Variants in ADARB2 observed in about 807,000 individuals in gnomAD.
The protein encoded by ADARB2 is inactive double-stranded RNA-specific editase B2.
A neutral mutation model predicts 62.2 loss-of-function variants in ADARB2; 25 were observed. The ratio of observed to expected loss-of-function variants is 0.40; its 90% CI spans 0.29 to 0.56. The LOEUF (loss-of-function observed/expected upper bound fraction) is 0.56, where lower values mean the gene tolerates loss of function less well. ADARB2 is among the 20% of genes least tolerant of loss of function. ADARB2 has a pLI of 0.43. For missense variants in ADARB2, 1,071 were observed against 1,077.4 expected, an observed-to-expected ratio of 0.99 and a Z score of 0.08; for synonymous variants, 572 against 500.8, an observed-to-expected ratio of 1.14 and a Z score of -1.90.
At chr10:1,600,263 A>T (rs950345035) in intron 1 of ADARB2, among the ~76,000 whole-genome samples, 5 of 152,150 alleles carry the variant, frequency 3.3e-5, no homozygotes, top group African/African-American at 1.2e-4. Flanking sequence ...GCCTGGCTAC[A>T]CTTAGGGAAA....
intron 1 of ADARB2, among the ~76,000 whole-genome samples, chr10:1,666,459 TGTGTTCCCCCAATC>T (rs1296694261): frequency 1.3e-5 from 2 of 152,234 alleles, no homozygotes; most frequent in Non-Finnish European, 2.9e-5. Context: ...CAGCTCAGAC[TGTGTTCCCCCAATC>T]GTGTTCCCGC....
chr10:1,207,488 C>T (rs1203358966), intron 7 of ADARB2, among the ~76,000 whole-genome samples: 1 of 152,194 alleles, frequency 6.6e-6, no homozygotes, highest in African/African-American at 2.4e-5. Context: ...ACTCATTTGA[C>T]CTCAGTGGAG....
At chr10:1,290,869 T>G (rs1831459859) in intron 3 of ADARB2, 1 of 152,208 alleles carries the variant, frequency 6.6e-6, no homozygotes, top group African/African-American at 2.4e-5. Flanking sequence ...GATGCATATT[T>G]CTGTTTTTTT....
chr10:1,533,584 TC>T (rs1832277849), intron 1 of ADARB2, among the ~76,000 whole-genome samples: 1 of 152,178 alleles, frequency 6.6e-6, no homozygotes, highest in Non-Finnish European at 1.5e-5. Flanking sequence ...CTGCGATGCC[TC>T]CCAAGGGTGA....
At chr10:1,197,370 A>G (rs1422512124) in intron 8 of ADARB2, among the ~76,000 whole-genome samples, 2 of 152,246 alleles carry the variant, frequency 1.3e-5, no homozygotes, top group Non-Finnish European at 2.9e-5. Context: ...AGAAGCTATT[A>G]GTATTGGTAC....
intron 1 of ADARB2, among the ~76,000 whole-genome samples, chr10:1,567,544 A>G (rs1293079947): frequency 1.3e-5 from 2 of 152,150 alleles, no homozygotes; most frequent in Non-Finnish European, 2.9e-5. Context: ...CACTCTGAAG[A>G]GAAAATGAAA....
chr10:1,598,772 A>G (rs907922707), intron 1 of ADARB2, among the ~76,000 whole-genome samples: 3 of 152,234 alleles, frequency 2.0e-5, no homozygotes, highest in Non-Finnish European at 4.4e-5. Context: ...CAAGCCAGGG[A>G]GAGCCCTGGC....
At chr10:1,620,672 T>C (rs1326933940) in intron 1 of ADARB2, among the ~76,000 whole-genome samples, 1 of 152,204 alleles carries the variant, frequency 6.6e-6, no homozygotes, top group Non-Finnish European at 1.5e-5. Context: ...TCACAAAAAG[T>C]ATAGCCCAAG....
At chr10:1,295,209 T>C (rs530188778) in intron 3 of ADARB2, among the ~76,000 whole-genome samples, 1 of 152,196 alleles carries the variant, frequency 6.6e-6, no homozygotes, top group African/African-American at 2.4e-5. Flanking sequence ...GGTTGGCTGA[T>C]TGATGGGGCC....
At chr10:1,538,932 T>C (rs1331130691) in intron 1 of ADARB2, among the ~76,000 whole-genome samples, 1 of 152,190 alleles carries the variant, frequency 6.6e-6, no homozygotes, top group Non-Finnish European at 1.5e-5. Context: ...CACCGAGGCC[T>C]CTCTGCAGTC....
At position 1,635,580 on chromosome 10, in the gene ADARB2, C is replaced by T. The variant is rs1459086494; in HGVS notation, c.100+101471G>A. Among the ~76,000 whole-genome samples the T allele has an allele frequency of 2.0e-5, 3 of 152,172 alleles. 1 individual carries two copies. Among genetic ancestry groups the T allele is most frequent in the Admixed American group, 1.3e-4 (2 of 15,278 alleles). On this transcript the variant is annotated intron_variant, in intron 1 of 9. Coordinates refer to ENST00000381312, the MANE Select transcript of ADARB2 (RefSeq NM_018702.4). ...CTGCTTTGTGGGTGATTGCCCCGCC[C>T]ACTCTGAGCTTCCCTCCGTCGGGAC...
intron 1 of ADARB2, chr10:1,557,130 A>G (rs954542213): frequency 6.1e-6 from 2 of 329,426 alleles, no homozygotes; most frequent in African/African-American, 2.3e-5. Flanking sequence ...TGTCCAGTCC[A>G]TGGCGCCCCC....
chr10:1,702,671 C>A (rs968746255), intron 1 of ADARB2, among the ~76,000 whole-genome samples: 1 of 152,214 alleles, frequency 6.6e-6, no homozygotes, highest in Non-Finnish European at 1.5e-5. Flanking sequence ...CCTTCTGCCC[C>A]CATTCCCCAG....
At chr10:1,263,409 G>T (rs900087524) in intron 4 of ADARB2, among the ~76,000 whole-genome samples, 1 of 152,190 alleles carries the variant, frequency 6.6e-6, no homozygotes, top group African/African-American at 2.4e-5. Flanking sequence ...CACCAACAAA[G>T]TTAGTGTTAT....
At chr10:1,243,201 C>T (rs1002540993) in intron 4 of ADARB2, among the ~76,000 whole-genome samples, 10 of 152,344 alleles carry the variant, frequency 6.6e-5, no homozygotes, top group Middle Eastern at 3.4e-3. Flanking sequence ...AGGAATGTTG[C>T]GGGTGCCCAG....
intron 1 of ADARB2, among the ~76,000 whole-genome samples, chr10:1,605,520 CTGCACT>C (rs1159824784): frequency 6.6e-6 from 1 of 152,252 alleles, no homozygotes; most frequent in African/African-American, 2.4e-5. Flanking sequence ...CCATTTCCTA[CTGCACT>C]TGCACTTATA....
intron 1 of ADARB2, among the ~76,000 whole-genome samples, chr10:1,533,304 A>G (rs927011545): frequency 8.3e-6 from 1 of 120,792 alleles, no homozygotes; most frequent in South Asian, 2.7e-4. Flanking sequence ...TTTTTTTTGT[A>G]TTTTTAGTAG....
At chr10:1,588,730 G>A (rs1833211180) in intron 1 of ADARB2, among the ~76,000 whole-genome samples, 1 of 152,216 alleles carries the variant, frequency 6.6e-6, no homozygotes, top group Non-Finnish European at 1.5e-5. Flanking sequence ...GCCAGCCCCT[G>A]CCTTGGGGTT....
At chr10:1,511,233 G>A (rs572948352) in intron 1 of ADARB2, among the ~76,000 whole-genome samples, 24 of 152,304 alleles carry the variant, frequency 1.6e-4, no homozygotes, top group African/African-American at 5.1e-4. Context: ...ATTGTTAAAA[G>A]CTAAGGTGAA....
Sources: allele counts gnomAD v4.1 joint callset (sites outside exome capture counted in the v4.1 genomes callset), GRCh38; gene constraint gnomAD v4.1.1; transcripts MANE v1.5; gene names NCBI Gene and HGNC (gene_info 2026-07-23, HGNC 2026-07-21).